The following RIBC2 variants were observed in gnomAD, a reference collection of about 807,000 sequenced individuals.
RIBC2 encodes the protein RIB43A domain with coiled-coils 2.
Under a neutral mutation model 44.3 loss-of-function variants are expected in RIBC2, and 40 were observed. That is an observed-to-expected ratio of 0.90 (90% CI 0.70 to 1.18). The LOEUF (loss-of-function observed/expected upper bound fraction) is 1.18, where lower values mean the gene tolerates loss of function less well. RIBC2 is among the 50% of genes most tolerant of loss of function. The probability of loss-of-function intolerance (pLI) is 0.00; values close to 1 mark genes in which losing one functional copy is unlikely to be tolerated. For missense variants in RIBC2, 459 were observed against 485.5 expected, an observed-to-expected ratio of 0.95 and a Z score of 0.51; for synonymous variants, 171 against 175.0, an observed-to-expected ratio of 0.98 and a Z score of 0.18.
chr22:45,420,404 G>A lies in RIBC2; in HGVS notation c.557-1886G>A, dbSNP rs530546150. 3.6e-4 allele frequency among the ~76,000 whole-genome samples: 54 copies of A among 152,028 alleles called. No individual in the cohort carries two copies. In the South Asian group the frequency reaches 9.1e-3, roughly 26 times the overall value. On this transcript the variant is annotated intron_variant, in intron 3 of 6. Coordinates refer to ENST00000614167, the MANE Select transcript of RIBC2 (RefSeq NM_015653.5). The stretch of plus-strand genomic sequence containing the variant: ...GTACCCTCCTCCCACCCCACATTCC[G>A]TATCCTGTTGCTTAATTTTTCTCCA...
At chr22:45,416,516 C>G (rs892348110) in intron 2 of RIBC2, among the ~76,000 whole-genome samples, 3 of 152,124 alleles carry the variant, frequency 2.0e-5, no homozygotes, top group Non-Finnish European at 4.4e-5. Flanking sequence ...GGCTGGAGTT[C>G]AGTGGAGCGA....
chr22:45,420,042 C>T (rs1210991939), intron 3 of RIBC2, among the ~76,000 whole-genome samples: 1 of 152,102 alleles, frequency 6.6e-6, no homozygotes, highest in Non-Finnish European at 1.5e-5. Context: ...AAACAAAAAG[C>T]ATCTCTCAGC....
At chr22:45,422,005 G>A (rs1313135716) in intron 3 of RIBC2, among the ~76,000 whole-genome samples, 1 of 152,148 alleles carries the variant, frequency 6.6e-6, no homozygotes, top group Non-Finnish European at 1.5e-5. Flanking sequence ...TCTTGGGGCT[G>A]TAGAGTATCT....
chr22:45,427,597 T>C (rs1280556213), intron 5 of RIBC2, among the ~76,000 whole-genome samples: 5 of 152,224 alleles, frequency 3.3e-5, no homozygotes, highest in African/African-American at 9.6e-5. Context: ...GAACAAGGTC[T>C]GGGCCAGAGG....
chr22:45,430,697 G>A (rs573379322), intron 5 of RIBC2, among the ~76,000 whole-genome samples: 6 of 152,290 alleles, frequency 3.9e-5, no homozygotes, highest in South Asian at 2.1e-4. Context: ...ACCTCCTGAC[G>A]GGGGAGGGCA....
chr22:45,422,359 C>G lies in RIBC2; in HGVS notation c.626C>G (p.Thr209Ser), dbSNP rs772235200. 1.1e-5 allele frequency: 17 copies of G among 1,614,048 alleles called. No homozygotes were observed. Among genetic ancestry groups the G allele is most frequent in the East Asian group, 2.2e-5 (1 of 44,888 alleles). Residue 209 changes from threonine to serine, a missense_variant, in exon 4 of 7, where the codon ACC becomes AGC. Physicochemically the swap from Thr to Ser is moderately conservative, Grantham distance 58. Coordinates refer to ENST00000614167, the MANE Select transcript of RIBC2 (RefSeq NM_015653.5). ...AAGCACCTCCAGAAGCTGGAAAGCACCACCAGAAAGGCAGTTTGTGCATCT... is the reference window on the plus strand; with the variant it reads ...AAGCACCTCCAGAAGCTGGAAAGCAGCACCAGAAAGGCAGTTTGTGCATCT... ...TAKHLQKLES[T>S]TRKAVCASVK...
intron 4 of RIBC2, among the ~76,000 whole-genome samples, chr22:45,423,876 G>A (rs1254133407): frequency 6.6e-6 from 1 of 152,182 alleles, no homozygotes; most frequent in African/African-American, 2.4e-5. Flanking sequence ...AGGATGTGGG[G>A]CCCTTGACAA....
Position 45,422,482 on chromosome 22 carries a change from CCG to C in RIBC2, c.675+75_675+76del, listed in dbSNP as rs2087495923. 4.6e-6 allele frequency: 5 copies of C among 1,081,178 alleles called. No individual in the cohort carries two copies. In the East Asian group the frequency reaches 1.2e-4, roughly 26 times the overall value. 67.0% of individuals were successfully genotyped at this position (1,081,178 alleles called of 1,614,324 possible). On this transcript the variant is annotated intron_variant, in intron 4 of 6. Coordinates refer to ENST00000614167, the MANE Select transcript of RIBC2 (RefSeq NM_015653.5). ...GCCCACTACGGCTTCCCAAGGCTCT[CCG>C]GCTTCCCTGGGATCCCAGTCTCAGC...
intron 6 of RIBC2, 22 bp from the exon 7 acceptor site, chr22:45,432,262 T>G (rs758925141): frequency 4.3e-6 from 6 of 1,400,488 alleles, no homozygotes; most frequent in Non-Finnish European, 6.0e-6. Context: ...CTGACCTTTT[T>G]TTTTTCTCAT....
chr22:45,427,916 T>A (rs761620750), intron 5 of RIBC2, among the ~76,000 whole-genome samples: 4 of 152,236 alleles, frequency 2.6e-5, no homozygotes, highest in Non-Finnish European at 5.9e-5. Context: ...ATTACAGGCG[T>A]GAGCCACCAT....
intron 4 of RIBC2, among the ~76,000 whole-genome samples, chr22:45,423,272 CTT>C (rs1290964913): frequency 1.3e-5 from 2 of 152,028 alleles, no homozygotes; most frequent in Admixed American, 6.6e-5. Flanking sequence ...ATCTGGCCCT[CTT>C]TTCGTTTTGG....
intron 6 of RIBC2, 70 bp downstream of exon 6, chr22:45,431,136 G>C: frequency 6.6e-7 from 1 of 1,513,476 alleles, no homozygotes; most frequent in Non-Finnish European, 8.9e-7. Flanking sequence ...TGGAGGTCAA[G>C]GACGAGGAGG....
At position 45,425,949 on chromosome 22, in the gene RIBC2, C is replaced by A; in HGVS notation, c.677C>A (p.Ala226Asp). Residue 226 changes from alanine to aspartate, a missense_variant and splice_region_variant, in exon 5 of 7, where the codon GCC becomes GAC. Physicochemically the swap from Ala to Asp is moderately radical, Grantham distance 126. Coordinates refer to ENST00000614167, the MANE Select transcript of RIBC2 (RefSeq NM_015653.5). ...ASVKDFNKSQ[A>D]IESVERKKQE... ...TCTTTAATGTCTTCACCTGCTTAGGCCATCGAGTCAGTGGAAAGGAAAAAG... is the reference window on the plus strand; with the variant it reads ...TCTTTAATGTCTTCACCTGCTTAGGACATCGAGTCAGTGGAAAGGAAAAAG... 1 of 1,612,716 alleles carries A rather than the reference C, an allele frequency of 6.2e-7. No homozygotes were observed. Among genetic ancestry groups the A allele is most frequent in the Non-Finnish European group, 8.5e-7 (1 of 1,179,292 alleles).
In RIBC2 at chr22:45,414,169, G is replaced by T. The variant is rs1370011773; in HGVS notation, c.130-153G>T. The T allele has an allele frequency of 7.1e-6, 7 of 985,082 alleles. No individual in the cohort carries two copies. The African/African-American group carries it at 1.0e-4, about 15-fold the overall frequency. 61.0% of individuals were successfully genotyped at this position (985,082 alleles called of 1,614,324 possible). ...GCCAATAATGCTCCCTCTCGAGCTC[G>T]CCTGGAGTCACCAACGGTTCTCCTC... On this transcript the variant is annotated intron_variant, in intron 1 of 6. Coordinates refer to ENST00000614167, the MANE Select transcript of RIBC2 (RefSeq NM_015653.5).
At chr22:45,421,523 A>G (rs62226821) in intron 3 of RIBC2, among the ~76,000 whole-genome samples, 1 of 40,222 alleles carries the variant, frequency 2.5e-5, no homozygotes. Context: ...ATTAATAATA[A>G]TAATAGTATT....
chr22:45,420,185 T>G (rs1191197650), intron 3 of RIBC2, among the ~76,000 whole-genome samples: 1 of 152,198 alleles, frequency 6.6e-6, no homozygotes, highest in Non-Finnish European at 1.5e-5. Flanking sequence ...CTCCATTCTT[T>G]CCACACTATC....
At chr22:45,423,428 G>A (rs1252999793) in intron 4 of RIBC2, among the ~76,000 whole-genome samples, 4 of 152,170 alleles carry the variant, frequency 2.6e-5, no homozygotes, top group Non-Finnish European at 5.9e-5. Context: ...CCCAAAGAAG[G>A]CTGTGCAGGA....
intron 3 of RIBC2, 75 bp downstream of exon 3, chr22:45,418,021 TA>T (rs2087443361): frequency 4.3e-6 from 4 of 924,744 alleles, no homozygotes; most frequent in East Asian, 2.8e-5. Context: ...TTTTTTTTTT[TA>T]AGCAACCCTA....
intron 2 of RIBC2, among the ~76,000 whole-genome samples, 185 bp from the exon 3 acceptor site, chr22:45,417,417 G>C (rs917310167): frequency 6.6e-6 from 1 of 152,086 alleles, no homozygotes; most frequent in Non-Finnish European, 1.5e-5. Flanking sequence ...GGGTTCAGTG[G>C]CTCACTTCTA....
Sources: gnomAD v4.1 joint callset for allele counts (sites outside exome capture counted in the v4.1 genomes callset) on GRCh38, gnomAD v4.1.1 for gene constraint, MANE v1.5 for transcripts, NCBI Gene and HGNC (gene_info 2026-07-23, HGNC 2026-07-21) for gene names.